MOCS1: variants seen among roughly 807,000 people sequenced by gnomAD.
MOCS1 encodes the protein molybdenum cofactor biosynthesis protein 1.
In MOCS1, 39 loss-of-function variants were observed where a neutral mutation model predicts 57.6. That is an observed-to-expected ratio of 0.68 (90% CI 0.52 to 0.88). MOCS1 has a LOEUF of 0.88. Ranked by LOEUF, MOCS1 falls within the 40% of genes least tolerant of loss-of-function variation. The pLI is 0.00. For missense variants in MOCS1, 795 were observed against 831.1 expected (o/e 0.96, Z 0.53); for synonymous variants, 334 against 335.7 (o/e 1.00, Z 0.05).
Position 39,913,303 on chromosome 6 carries a change from C to T in MOCS1, c.757+14G>A. 1.2e-6 allele frequency: 2 copies of T among 1,609,612 alleles called. No individual in the cohort carries two copies. The highest frequency in any genetic ancestry group is 1.7e-6 in the Non-Finnish European group (2 of 1,175,914). The stretch of plus-strand genomic sequence containing the variant: ...CCCCTTCTTCCCTCCCTCAACCCAT[C>T]CCTGGTCACTGACCATCAAAGGGCA... On this transcript the variant is annotated intron_variant, in intron 6 of 10. Transcript: ENST00000340692.
At position 39,905,310 on chromosome 6, in the gene MOCS1, A is replaced by T; in HGVS notation, c.*1047T>A. ...CCACCTGACAAAAGATTTCCCTTAGATGGTGCATTTCTATGCCCCCTACTC... is the reference window on the plus strand; with the variant it reads ...CCACCTGACAAAAGATTTCCCTTAGTTGGTGCATTTCTATGCCCCCTACTC... On this transcript the variant is annotated 3_prime_UTR_variant, in exon 11 of 11. Coordinates refer to ENST00000340692, the MANE Select transcript of MOCS1 (RefSeq NM_001358530.2). The T allele has an allele frequency of 2.2e-6, 1 of 455,950 alleles. No homozygotes were observed. Among genetic ancestry groups the T allele is most frequent in the South Asian group, 1.5e-5 (1 of 64,532 alleles). The allele number at this position is 455,950 out of a possible 1,614,324, so 28.2% of individuals were successfully genotyped here. A position where few individuals can be genotyped will look rare whatever the true frequency, so the allele number is the denominator to read the frequency against.
Position 39,909,106 on chromosome 6 carries a change from G to A in MOCS1, c.1103-4C>T, listed in dbSNP as rs201269650. 4 of 1,608,736 alleles carry A rather than the reference G, an allele frequency of 2.5e-6. No individual in the cohort carries two copies. The highest frequency in any genetic ancestry group is 3.4e-6 in the Non-Finnish European group (4 of 1,178,154). ...ATCTGGGAAATACTGAACATGCCTG[G>A]GGTGAGGGAAAGATGGGGAGGGAGA... On this transcript the variant is annotated splice_polypyrimidine_tract_variant and splice_region_variant and intron_variant, in intron 9 of 10. Coordinates refer to ENST00000340692, the MANE Select transcript of MOCS1 (RefSeq NM_001358530.2).
rs1169005650 is a variant in MOCS1, at chr6:39,927,358, A to T, written c.221T>A (p.Ile74Asn). 1 of 1,612,124 alleles carries T rather than the reference A, an allele frequency of 6.2e-7. No individual in the cohort carries two copies. The highest frequency in any genetic ancestry group is 8.5e-7 in the Non-Finnish European group (1 of 1,179,576). The change falls in exon 2 of 11, where the codon ATC (isoleucine) becomes AAC (asparagine). Residue 74 changes from isoleucine (I) to asparagine (N), a missense_variant. Ile to Asn is a moderately radical substitution (Grantham distance 149). Transcript: ENST00000340692. Reference protein sequence around the residue: ...SFGRQHSYLRISLTEKCNLRC... With the variant: ...SFGRQHSYLRNSLTEKCNLRC... ...GAGGTTGCACTTCTCTGTGAGGGAGATCCGCAGGTAGCTGTGCTGCCGGCC... is the reference window on the plus strand; with the variant it reads ...GAGGTTGCACTTCTCTGTGAGGGAGTTCCGCAGGTAGCTGTGCTGCCGGCC...
At chr6:39,928,887 A>C (rs773065353) in intron 1 of MOCS1, among the ~76,000 whole-genome samples, 1 of 152,206 alleles carries the variant, frequency 6.6e-6, no homozygotes, top group Non-Finnish European at 1.5e-5. Flanking sequence ...AATTAGGAGG[A>C]AGAAGCATTT....
At chr6:39,916,362 A>T (rs1767663110) in intron 3 of MOCS1, 130 bp from the exon 4 acceptor site, 2 of 1,056,208 alleles carry the variant, frequency 1.9e-6, no homozygotes, top group South Asian at 3.1e-5. Flanking sequence ...ACCTATATTA[A>T]CCAGGCCTAA....
Position 39,905,437 on chromosome 6 carries a change from T to C in MOCS1, c.*920A>G, listed in dbSNP as rs768305034. The C allele has an allele frequency of 2.2e-6, 1 of 445,982 alleles. No homozygotes were observed. Among genetic ancestry groups the C allele is most frequent in the African/African-American group, 2.5e-5 (1 of 39,376 alleles). The allele number at this position is 445,982 out of a possible 1,614,324, so 27.6% of individuals were successfully genotyped here. A position where few individuals can be genotyped will look rare whatever the true frequency, so the allele number is the denominator to read the frequency against. ...AGGGAACTGTGTCTTGGGATAGGAT[T>C]GATTGATTGATTGATAGGTGCAGCC... is the stretch of plus-strand genomic sequence containing the variant. On this transcript the variant is annotated 3_prime_UTR_variant, in exon 11 of 11. Transcript: ENST00000340692.
rs1378867002 is a variant in MOCS1 at position 39,925,675 on chromosome 6, C to T, written c.418+3G>A. ...AAGTGGCGATGACTTTCGTCCAACT[C>T]ACCCACAATGTCCACCACGTCCGGC... On this transcript the variant is annotated splice_donor_region_variant and intron_variant, in intron 3 of 10. Transcript: ENST00000340692. 8.1e-6 allele frequency: 13 copies of T among 1,612,840 alleles called. No homozygotes were observed. Among genetic ancestry groups the T allele is most frequent in the Non-Finnish European group, 1.1e-5 (13 of 1,179,990 alleles).
At chr6:39,913,200 A>T in intron 6 of MOCS1, 117 bp downstream of exon 6, 3 of 983,592 alleles carry the variant, frequency 3.1e-6, no homozygotes, top group Non-Finnish European at 4.9e-6. Context: ...CCAACAGCCC[A>T]TCATAATCCT....
Position 39,924,355 on chromosome 6 carries a change from A to G in MOCS1, c.418+1323T>C, listed in dbSNP as rs189138596. On this transcript the variant is annotated intron_variant, in intron 3 of 10. Transcript: ENST00000340692. ...ATTCAGCGAATTTCAGGGAGCATCA[A>G]CCACGTGTCAGGCACGGTACTGGAT... Among the ~76,000 whole-genome samples the G allele has an allele frequency of 2.6e-5, 4 of 152,344 alleles. No homozygotes were observed. The East Asian group carries it at 7.7e-4, about 29-fold the overall frequency.
chr6:39,922,640 G>A (rs1039220351), intron 3 of MOCS1, among the ~76,000 whole-genome samples: 7 of 152,202 alleles, frequency 4.6e-5, no homozygotes, highest in African/African-American at 1.7e-4. Context: ...GAAGCAGGGT[G>A]CAGAAGTGCT....
chr6:39,904,842 A>T lies in MOCS1; in HGVS notation c.*1515T>A, dbSNP rs1446151546. The stretch of plus-strand genomic sequence containing the variant: ...ATAAGAATATATTGTAATACTAAAA[A>T]ATATTAAATTCATACCATCCCTACC... On this transcript the variant is annotated 3_prime_UTR_variant, in exon 11 of 11. Transcript: ENST00000340692. 2.2e-6 allele frequency: 1 copy of T among 453,972 alleles called. No individual in the cohort carries two copies. The highest frequency in any genetic ancestry group is 4.4e-6 in the Non-Finnish European group (1 of 226,812). The allele number at this position is 453,972 out of a possible 1,614,324, so 28.1% of individuals were successfully genotyped here. A position where few individuals can be genotyped will look rare whatever the true frequency, so the allele number is the denominator to read the frequency against.
intron 4 of MOCS1, 22 bp downstream of exon 4, chr6:39,916,046 C>T (rs904281933): frequency 1.0e-5 from 16 of 1,586,580 alleles, no homozygotes; most frequent in Non-Finnish European, 1.4e-5. Flanking sequence ...GAGGGACACC[C>T]ACCCCATCCA....
chr6:39,929,897 G>A (rs995444334), intron 1 of MOCS1, among the ~76,000 whole-genome samples: 2 of 137,498 alleles, frequency 1.5e-5, no homozygotes, highest in African/African-American at 2.9e-5. Context: ...AGCCAAGATC[G>A]CACCACTGTA....
chr6:39,909,995 A>G, intron 8 of MOCS1, 40 bp from the exon 9 acceptor site: 1 of 1,609,428 alleles, frequency 6.2e-7, no homozygotes, highest in South Asian at 1.1e-5. Context: ...CTTACCCCTG[A>G]GCCTTGGCCT....
intron 8 of MOCS1, 140 bp from the exon 9 acceptor site, chr6:39,910,095 TGA>T (rs1286390996): frequency 3.9e-6 from 5 of 1,297,638 alleles, no homozygotes; most frequent in Non-Finnish European, 5.5e-6. Flanking sequence ...CCCCTAGCAG[TGA>T]GAGACAGAGG....
At chr6:39,920,765 G>A (rs1371594194) in intron 3 of MOCS1, among the ~76,000 whole-genome samples, 1 of 151,688 alleles carries the variant, frequency 6.6e-6, no homozygotes, top group African/African-American at 2.4e-5. Context: ...GATCACTTGA[G>A]CCCAGGAGTG....
In MOCS1 at chr6:39,905,922, G is replaced by C. The variant is rs1766878618; in HGVS notation, c.*435C>G. On this transcript the variant is annotated 3_prime_UTR_variant, in exon 11 of 11. Transcript: ENST00000340692. ...CATTCTTCAGGCAAGCTTGTGCTTTGCTCTCCTCAAAGTGGGCTCCTCTGC... is the reference window on the plus strand; with the variant it reads ...CATTCTTCAGGCAAGCTTGTGCTTTCCTCTCCTCAAAGTGGGCTCCTCTGC... 2.2e-6 allele frequency: 1 copy of C among 464,834 alleles called. No homozygotes were observed. The highest frequency in any genetic ancestry group is 4.4e-6 in the Non-Finnish European group (1 of 227,576). The allele number at this position is 464,834 out of a possible 1,614,324, so 28.8% of individuals were successfully genotyped here.
At chr6:39,914,444 T>C (rs1006715730) in intron 4 of MOCS1, among the ~76,000 whole-genome samples, 3 of 152,248 alleles carry the variant, frequency 2.0e-5, no homozygotes, top group African/African-American at 7.2e-5. Flanking sequence ...ACATACTCTC[T>C]GAGCACCTAC....
At chr6:39,923,778 G>GT (rs755134323) in intron 3 of MOCS1, among the ~76,000 whole-genome samples, 2 of 152,230 alleles carry the variant, frequency 1.3e-5, no homozygotes, top group East Asian at 3.8e-4. Flanking sequence ...GGAGAAGAGG[G>GT]CTGTCAGGGG....
Sources: allele counts gnomAD v4.1 joint callset (sites outside exome capture counted in the v4.1 genomes callset), GRCh38; gene constraint gnomAD v4.1.1; transcripts MANE v1.5; gene names NCBI Gene and HGNC (gene_info 2026-07-23, HGNC 2026-07-21).